Variants in CLASP1 observed in about 807,000 individuals in gnomAD.
The protein encoded by CLASP1 is CLIP-associating protein 1.
In CLASP1, 38 loss-of-function variants were observed where a neutral mutation model predicts 192.3. The observed-to-expected ratio is 0.20, with a 90% confidence interval of 0.15 to 0.26. CLASP1 has a LOEUF of 0.26. Among genes scored for constraint, CLASP1 ranks in the 10% least tolerant of loss-of-function variants. CLASP1 has a pLI of 1.00. For missense variants in CLASP1, 1,433 were observed against 1,932.5 expected (o/e 0.74, Z 4.85); for synonymous variants, 691 against 712.8 (o/e 0.97, Z 0.49).
rs71398038 is a variant in CLASP1, at chr2:121,633,007, C to CATATATAT, written c.-286+16357_-286+16364dup. On this transcript the variant is annotated intron_variant, in intron 1 of 39. Coordinates refer to ENST00000263710, the Ensembl canonical transcript of CLASP1. ...GTGTGTATATATATGTATGTGTGTG[C>CATATATAT]ATATATATATATATATATATAGGCT... Among the ~76,000 whole-genome samples, 134 of 115,552 alleles carry CATATATAT rather than the reference C, an allele frequency of 1.2e-3. 7 individuals carry two copies. Among genetic ancestry groups the CATATATAT allele is most frequent in the African/African-American group, 4.7e-3 (125 of 26,508 alleles). 75.8% of individuals were successfully genotyped at this position (115,552 alleles called of 152,430 possible).
At chr2:121,488,857 A>G (rs1260908383) in intron 8 of CLASP1, among the ~76,000 whole-genome samples, 2 of 152,234 alleles carry the variant, frequency 1.3e-5, no homozygotes, top group African/African-American at 4.8e-5. Flanking sequence ...ACTGAGGGTA[A>G]AAGTTACCAA....
Position 121,531,015 on chromosome 2 carries a change from C to G in CLASP1, c.196-690G>C, listed in dbSNP as rs562809333. The G allele has an allele frequency of 1.3e-5, 9 of 700,042 alleles. 1 individual carries two copies. The highest frequency in any genetic ancestry group is 3.0e-5 in the South Asian group (2 of 67,498). The allele number at this position is 700,042 out of a possible 1,614,324, so 43.4% of individuals were successfully genotyped here. ...GGTGCAATTTTTGGAAAAATGAAAA[C>G]CTGTTTTCATAGACTTATCAGTTCA... On this transcript the variant is annotated intron_variant, in intron 2 of 39. Coordinates refer to ENST00000263710, the Ensembl canonical transcript of CLASP1.
chr2:121,531,070 CTTTGTGGTTAAACCA>C, intron 2 of CLASP1: 1 of 690,496 alleles, frequency 1.4e-6, no homozygotes, highest in Non-Finnish European at 2.7e-6. Flanking sequence ...TAAACTAGTA[CTTTGTGGTTAAACCA>C]GTAGAGGGTG....
At chr2:121,536,378 G>A (rs866865184) in intron 2 of CLASP1, among the ~76,000 whole-genome samples, 1,622 of 47,976 alleles carry the variant, frequency 0.034, 71 homozygotes, top group African/African-American at 0.11. Flanking sequence ...AAGACTGTCT[G>A]AAAAAAAAAA....
intron 8 of CLASP1, among the ~76,000 whole-genome samples, chr2:121,479,723 C>A (rs749346082): frequency 4.6e-5 from 7 of 152,178 alleles, no homozygotes; most frequent in Non-Finnish European, 4.4e-5. Flanking sequence ...CACCCCCAAT[C>A]CAGTCAATAT....
At chr2:121,500,124 A>G (rs2150223594) in intron 8 of CLASP1, among the ~76,000 whole-genome samples, 1 of 152,290 alleles carries the variant, frequency 6.6e-6, no homozygotes, top group Middle Eastern at 3.4e-3. Flanking sequence ...ATAAGTTCAG[A>G]AAGGTTGTAA....
intron 15 of CLASP1, 129 bp from the exon 16 acceptor site, chr2:121,451,119 T>C (rs1254839936): frequency 3.0e-6 from 2 of 665,572 alleles, no homozygotes; most frequent in Non-Finnish European, 5.2e-6. Context: ...GCTGGTCAGT[T>C]CCCACGTGGC....
chr2:121,451,909 G>A, intron 14 of CLASP1, 60 bp from the exon 15 acceptor site: 3 of 1,225,686 alleles, frequency 2.4e-6, no homozygotes, highest in South Asian at 1.3e-5. Flanking sequence ...AATGAAAACG[G>A]CATTTTTCTT....
At chr2:121,374,340 T>C (rs984921910) in intron 34 of CLASP1, among the ~76,000 whole-genome samples, 3 of 152,178 alleles carry the variant, frequency 2.0e-5, no homozygotes, top group African/African-American at 7.2e-5. Flanking sequence ...AGAGGATGTA[T>C]GAAAATGCCT....
intron 7 of CLASP1, among the ~76,000 whole-genome samples, chr2:121,510,969 G>A (rs770122250): frequency 4.6e-5 from 7 of 152,138 alleles, no homozygotes; most frequent in Non-Finnish European, 7.3e-5. Flanking sequence ...TCAGGATGAT[G>A]GGTTTGCAAG....
intron 37 of CLASP1, 84 bp downstream of exon 38, chr2:121,363,088 C>G (rs1034026698): frequency 3.4e-5 from 53 of 1,551,180 alleles, no homozygotes; most frequent in Middle Eastern, 2.0e-4. Flanking sequence ...AAGCTGTGCA[C>G]TGATTCTGAT....
intron 39 of CLASP1, among the ~76,000 whole-genome samples, chr2:121,344,067 T>C (rs1335481128): frequency 6.6e-6 from 1 of 151,006 alleles, no homozygotes; most frequent in Admixed American, 6.6e-5. Flanking sequence ...TGAGACTCTA[T>C]CTCAAAAAAA....
intron 9 of CLASP1, among the ~76,000 whole-genome samples, chr2:121,466,017 A>C (rs1438560102): frequency 6.6e-6 from 1 of 152,214 alleles, no homozygotes; most frequent in East Asian, 1.9e-4. Context: ...TACAAAAATT[A>C]ATTCAAGATG....
intron 1 of CLASP1, among the ~76,000 whole-genome samples, chr2:121,614,195 C>T (rs537200432): frequency 7.2e-5 from 11 of 152,236 alleles, no homozygotes; most frequent in African/African-American, 1.7e-4. Context: ...AAGGCCAGTC[C>T]GCATTAAAAG....
At chr2:121,590,016 T>C (rs1050205782) in intron 2 of CLASP1, among the ~76,000 whole-genome samples, 21 of 152,124 alleles carry the variant, frequency 1.4e-4, no homozygotes, top group Non-Finnish European at 1.9e-4. Context: ...AAAGGGGAAA[T>C]GAGATCAACA....
At chr2:121,489,753 A>C (rs1312057961) in intron 8 of CLASP1, among the ~76,000 whole-genome samples, 1 of 152,240 alleles carries the variant, frequency 6.6e-6, no homozygotes, top group Non-Finnish European at 1.5e-5. Context: ...TTTCCTGTAC[A>C]TTTTTGCATT....
chr2:121,482,493 T>G (rs2150089273), intron 8 of CLASP1, among the ~76,000 whole-genome samples: 1 of 152,220 alleles, frequency 6.6e-6, no homozygotes, highest in Middle Eastern at 3.4e-3. Flanking sequence ...AAGATCAGTC[T>G]TGAAGAAGAG....
At chr2:121,606,394 A>G (rs1036378776) in intron 1 of CLASP1, among the ~76,000 whole-genome samples, 1 of 152,236 alleles carries the variant, frequency 6.6e-6, no homozygotes, top group Non-Finnish European at 1.5e-5. Context: ...AGAGCCAATG[A>G]GCCACACAGT....
chr2:121,530,556 C>A lies in CLASP1; in HGVS notation c.196-231G>T, dbSNP rs116839709. The A allele has an allele frequency of 5.2e-3, 2,844 of 551,882 alleles. 57 individuals carry two copies. The highest frequency in any genetic ancestry group is 0.048 in the African/African-American group (2,541 of 53,322). The allele number at this position is 551,882 out of a possible 1,614,324, so 34.2% of individuals were successfully genotyped here. A position where few individuals can be genotyped will look rare whatever the true frequency, so the allele number is the denominator to read the frequency against. ...CGGTGAGGAGAAACGAAATAAAAGG[C>A]AATACAGCGTAGCCAAACCCGGGTT... On this transcript the variant is annotated intron_variant, in intron 2 of 39. Coordinates refer to ENST00000263710, the Ensembl canonical transcript of CLASP1.
Sources: gnomAD v4.1 joint callset for allele counts (sites outside exome capture counted in the v4.1 genomes callset) on GRCh38, gnomAD v4.1.1 for gene constraint, MANE v1.5 for transcripts, NCBI Gene and HGNC (gene_info 2026-07-23, HGNC 2026-07-21) for gene names.